The following ADAM29 variants were observed in gnomAD, a reference collection of about 807,000 sequenced individuals.
The protein encoded by ADAM29 is ADAM metallopeptidase domain 29.
For missense variants in ADAM29, 969 were observed against 1,001.8 expected (o/e 0.97, Z 0.44); for synonymous variants, 367 against 342.3 (o/e 1.07, Z -0.80).
In ADAM29 at chr4:174,956,766, A is replaced by G. The variant is rs145616285; in HGVS notation, c.-180-18580A>G. On this transcript the variant is annotated intron_variant, in intron 4 of 4. Transcript: ENST00000359240. ...CCCTGCTGCATACAGGTCCTAGGTA[A>G]TTAGCCTAGGATATCAGGCTGTAGA... Among the ~76,000 whole-genome samples, 1,272 of 151,986 alleles carry G rather than the reference A, an allele frequency of 8.4e-3. 22 individuals carry two copies. The highest frequency in any genetic ancestry group is 0.028 in the African/African-American group (1,143 of 41,520).
intron 2 of ADAM29, among the ~76,000 whole-genome samples, chr4:174,925,091 A>T (rs1743426055): frequency 2.0e-5 from 3 of 152,206 alleles, no homozygotes. Context: ...ACTCCTCAAG[A>T]TTGTCAAAGT....
At chr4:174,943,059 C>T (rs187263924) in intron 4 of ADAM29, among the ~76,000 whole-genome samples, 6 of 152,334 alleles carry the variant, frequency 3.9e-5, no homozygotes, top group African/African-American at 1.2e-4. Flanking sequence ...TGTTGCCAGT[C>T]GCTTTGCTAA....
chr4:174,968,864 A>G (rs1746306223), intron 4 of ADAM29, among the ~76,000 whole-genome samples: 1 of 152,088 alleles, frequency 6.6e-6, no homozygotes, highest in Non-Finnish European at 1.5e-5. Flanking sequence ...TAGGAAAACA[A>G]AATTGCCACT....
chr4:174,961,753 C>A (rs1745834618), intron 4 of ADAM29, among the ~76,000 whole-genome samples: 2 of 152,048 alleles, frequency 1.3e-5, no homozygotes, highest in African/African-American at 4.8e-5. Flanking sequence ...AACAGCAATT[C>A]TTTCTTGTTT....
At chr4:174,932,653 G>A (rs1223766547) in intron 3 of ADAM29, among the ~76,000 whole-genome samples, 1 of 152,160 alleles carries the variant, frequency 6.6e-6, no homozygotes, top group Middle Eastern at 3.2e-3. Flanking sequence ...CATAAGCCAA[G>A]TAAGGATTTT....
chr4:174,951,410 T>C (rs1194463718), intron 4 of ADAM29, among the ~76,000 whole-genome samples: 1 of 152,230 alleles, frequency 6.6e-6, no homozygotes, highest in Non-Finnish European at 1.5e-5. Flanking sequence ...AATAAACTTC[T>C]CTGATTATTT....
intron 4 of ADAM29, among the ~76,000 whole-genome samples, chr4:174,974,198 G>A (rs755468433): frequency 6.6e-6 from 1 of 152,188 alleles, no homozygotes; most frequent in Non-Finnish European, 1.5e-5. Flanking sequence ...GAAGGGGCTG[G>A]AGCAACTCCC....
chr4:174,953,426 G>T lies in ADAM29; in HGVS notation c.-181+16413G>T, dbSNP rs147952626. Among the ~76,000 whole-genome samples, 3 of 152,074 alleles carry T rather than the reference G, an allele frequency of 2.0e-5. No individual in the cohort carries two copies. In the East Asian group the frequency reaches 5.8e-4, roughly 29 times the overall value. On this transcript the variant is annotated intron_variant, in intron 4 of 4. Transcript: ENST00000359240. ...CTCACTGGGTTCATTGAACAAAAGG[G>T]CCTGGAATAAAATAAGCAAAAATAG...
At chr4:174,953,651 A>G (rs192205750) in intron 4 of ADAM29, among the ~76,000 whole-genome samples, 12 of 152,294 alleles carry the variant, frequency 7.9e-5, no homozygotes, top group African/African-American at 2.9e-4. Flanking sequence ...CAATACAAAC[A>G]TTTATTTTAA....
At chr4:174,974,965 T>G (rs1746673838) in intron 4 of ADAM29, among the ~76,000 whole-genome samples, 1 of 152,194 alleles carries the variant, frequency 6.6e-6, no homozygotes, top group South Asian at 2.1e-4. Context: ...TTATGACAAT[T>G]TAACACGTGT....
intron 4 of ADAM29, among the ~76,000 whole-genome samples, chr4:174,968,246 C>A (rs1258286524): frequency 6.6e-6 from 1 of 152,052 alleles, no homozygotes; most frequent in Non-Finnish European, 1.5e-5. Flanking sequence ...TTGCACACAC[C>A]TTTATAATCC....
At chr4:174,928,750 T>C (rs1271037205) in intron 2 of ADAM29, among the ~76,000 whole-genome samples, 2 of 152,092 alleles carry the variant, frequency 1.3e-5, no homozygotes, top group Non-Finnish European at 2.9e-5. Context: ...TTCGGCCATC[T>C]GTGTTTGCTA....
chr4:174,963,399 G>GA (rs1376410406), intron 4 of ADAM29, among the ~76,000 whole-genome samples: 1 of 151,998 alleles, frequency 6.6e-6, no homozygotes, highest in East Asian at 1.9e-4. Flanking sequence ...AATTTTTCTT[G>GA]AAAAATACTG....
At chr4:174,945,853 G>T (rs1744818254) in intron 4 of ADAM29, among the ~76,000 whole-genome samples, 1 of 151,926 alleles carries the variant, frequency 6.6e-6, no homozygotes, top group Admixed American at 6.6e-5. Flanking sequence ...TAATCTATGT[G>T]TCTGTTTTTG....
chr4:174,962,093 C>T (rs1185715845), intron 4 of ADAM29, among the ~76,000 whole-genome samples: 1 of 152,088 alleles, frequency 6.6e-6, no homozygotes, highest in Admixed American at 6.5e-5. Flanking sequence ...AAAGTAAATA[C>T]TGATTAACTT....
At chr4:174,945,387 G>C (rs1054510806) in intron 4 of ADAM29, among the ~76,000 whole-genome samples, 1 of 152,000 alleles carries the variant, frequency 6.6e-6, no homozygotes, top group Admixed American at 6.6e-5. Context: ...ATAGATTCTG[G>C]ATATTAGACC....
chr4:174,944,068 TTA>T (rs1439163267), intron 4 of ADAM29, among the ~76,000 whole-genome samples: 11 of 151,646 alleles, frequency 7.3e-5, no homozygotes, highest in African/African-American at 2.7e-4. Context: ...CAATTATAAA[TTA>T]TATGTTGTTA....
At chr4:174,960,739 A>G (rs1745765919) in intron 4 of ADAM29, among the ~76,000 whole-genome samples, 1 of 152,194 alleles carries the variant, frequency 6.6e-6, no homozygotes, top group South Asian at 2.1e-4. Context: ...TATTTGTTAA[A>G]CAAGGTTTAC....
At chr4:174,970,418 T>G (rs1428328495) in intron 4 of ADAM29, among the ~76,000 whole-genome samples, 1 of 152,074 alleles carries the variant, frequency 6.6e-6, no homozygotes, top group African/African-American at 2.4e-5. Flanking sequence ...TGAAGTGATA[T>G]GAGAATGATT....
Sources: allele counts gnomAD v4.1 joint callset (sites outside exome capture counted in the v4.1 genomes callset), GRCh38; gene constraint gnomAD v4.1.1; transcripts MANE v1.5; gene names NCBI Gene and HGNC (gene_info 2026-07-23, HGNC 2026-07-21).